Variants in OCIAD1 observed in about 807,000 individuals in gnomAD.
OCIAD1 encodes OCIA domain-containing protein 1.
A neutral mutation model predicts 38.9 loss-of-function variants in OCIAD1; 29 were observed. The ratio of observed to expected loss-of-function variants is 0.74; its 90% CI spans 0.55 to 1.02. The LOEUF is 1.02. OCIAD1 is among the 50% of genes least tolerant of loss of function. The pLI is 0.00. For synonymous variants in OCIAD1, 110 were observed against 92.0 expected, an observed-to-expected ratio of 1.20 and a Z score of -1.12; for missense variants, 288 against 289.6, an observed-to-expected ratio of 0.99 and a Z score of 0.04.
intron 4 of OCIAD1, 101 bp from the exon 5 acceptor site, chr4:48,848,298 A>C (rs1436607687): frequency 1.7e-6 from 1 of 599,300 alleles, no homozygotes; most frequent in Non-Finnish European, 3.0e-6. Flanking sequence ...CTGTAGGATC[A>C]TGGAAGGAGC....
At position 48,810,326 on chromosome 4, in the gene OCIAD1, G is replaced by A. The variant is rs377437739; in HGVS notation, c.-103+4996G>A. Among the ~76,000 whole-genome samples, 320 of 151,812 alleles carry A rather than the reference G, an allele frequency of 2.1e-3. 1 individual carries two copies. The highest frequency in any genetic ancestry group is 6.8e-3 in the African/African-American group (283 of 41,388). On this transcript the variant is annotated intron_variant, in intron 1 of 6. Transcript: ENST00000504654. ...CTACTAAAAACACAAAAAATTAGCC[G>A]GGCGCGGTGGCGGGTGCCTGTAGTC...
chr4:48,857,396 G>A, intron 8 of OCIAD1, 31 bp downstream of exon 8: 1 of 1,423,170 alleles, frequency 7.0e-7, no homozygotes, highest in Non-Finnish European at 9.4e-7. Flanking sequence ...TCACTTTACT[G>A]TTGAGGATTG....
intron 6 of OCIAD1, among the ~76,000 whole-genome samples, chr4:48,851,412 A>G (rs2109590425): frequency 6.6e-6 from 1 of 152,320 alleles, no homozygotes; most frequent in Middle Eastern, 3.4e-3. Context: ...TTGAGGCCAG[A>G]CGCGGTGGCT....
At chr4:48,844,411 C>T (rs1249245130) in intron 4 of OCIAD1, among the ~76,000 whole-genome samples, 4 of 151,882 alleles carry the variant, frequency 2.6e-5, no homozygotes, top group Admixed American at 2.0e-4. Flanking sequence ...GTTAGGAAAT[C>T]GAGACCGTCC....
intron 1 of OCIAD1, among the ~76,000 whole-genome samples, chr4:48,815,351 A>G (rs1482653699): frequency 6.6e-6 from 1 of 152,332 alleles, no homozygotes; most frequent in South Asian, 2.1e-4. Context: ...AGAAATTCAC[A>G]CAGTGGCAGA....
chr4:48,851,788 T>C lies in OCIAD1; in HGVS notation c.378-18T>C. The C allele has an allele frequency of 6.8e-7, 1 of 1,464,954 alleles. No individual in the cohort carries two copies. Among genetic ancestry groups the C allele is most frequent in the Non-Finnish European group, 9.6e-7 (1 of 1,045,974 alleles). The allele number at this position is 1,464,954 out of a possible 1,614,324, so 90.7% of individuals were successfully genotyped here. A position where few individuals can be genotyped will look rare whatever the true frequency, so the allele number is the denominator to read the frequency against. ...CAATGACTCATATTTCTTACTACAA[T>C]ATGATTTTCATTTACAGGCACTATT... On this transcript the variant is annotated intron_variant, in intron 6 of 8. Coordinates refer to ENST00000264312, the MANE Select transcript of OCIAD1 (RefSeq NM_017830.4).
chr4:48,852,889 T>TTTTTGTTTTTTG (rs1560438232), intron 7 of OCIAD1, among the ~76,000 whole-genome samples: 1 of 42,352 alleles, frequency 2.4e-5, no homozygotes, highest in African/African-American at 1.0e-4. Flanking sequence ...TTTGTTTTTT[T>TTTTTGTTTTTTG]TTTTTTTTTT....
At chr4:48,808,154 T>C (rs1430776260) in intron 1 of OCIAD1, among the ~76,000 whole-genome samples, 1 of 152,140 alleles carries the variant, frequency 6.6e-6, no homozygotes, top group East Asian at 1.9e-4. Flanking sequence ...AACCCAGATG[T>C]TGCAAATGTG....
At chr4:48,823,165 A>G (rs540030470) in intron 1 of OCIAD1, among the ~76,000 whole-genome samples, 2 of 152,336 alleles carry the variant, frequency 1.3e-5, no homozygotes, top group South Asian at 4.1e-4. Context: ...GATAGACCGG[A>G]TAAAGAAAAT....
intron 1 of OCIAD1, among the ~76,000 whole-genome samples, chr4:48,814,523 C>T (rs1444084338): frequency 6.6e-6 from 1 of 152,034 alleles, no homozygotes; most frequent in Non-Finnish European, 1.5e-5. Context: ...ACATAATTTA[C>T]ACAACAGCAT....
intron 1 of OCIAD1, among the ~76,000 whole-genome samples, chr4:48,810,898 T>C (rs111718008): frequency 0.014 from 1,970 of 145,758 alleles, 19 homozygotes; most frequent in African/African-American, 0.032. Flanking sequence ...TTCTTTCTTT[T>C]TTTTTTTTTT....
chr4:48,857,274 G>T lies in OCIAD1; in HGVS notation c.609G>T (p.Arg203Ser). 6.3e-7 allele frequency: 1 copy of T among 1,593,862 alleles called. No individual in the cohort carries two copies. Among genetic ancestry groups the T allele is most frequent in the East Asian group, 2.3e-5 (1 of 44,032 alleles). The change falls in exon 8 of 9, where the codon AGG (arginine) becomes AGT (serine). Residue 203 changes from arginine (R) to serine (S), a missense_variant. Coordinates refer to ENST00000264312, the MANE Select transcript of OCIAD1 (RefSeq NM_017830.4). Reference sequence around the variant, plus strand: ...AAAATATTACATATGAGGAATTAAGGAATAAGAACAGAGAGTCATATGAAG... The same window carrying T: ...AAAATATTACATATGAGGAATTAAGTAATAAGAACAGAGAGTCATATGAAG... ...KRKNITYEEL[R>S]NKNRESYEVS...
chr4:48,840,696 C>T (rs899295641), intron 3 of OCIAD1, among the ~76,000 whole-genome samples: 1 of 152,094 alleles, frequency 6.6e-6, no homozygotes, highest in African/African-American at 2.4e-5. Flanking sequence ...ATTGTTTTTA[C>T]ATTTTTAAAT....
At chr4:48,832,806 G>T (rs564036801) in intron 2 of OCIAD1, 124 bp downstream of exon 2, 3 of 722,780 alleles carry the variant, frequency 4.2e-6, no homozygotes, top group East Asian at 2.5e-5. Context: ...CCCATACTTG[G>T]TTTCATGTTC....
chr4:48,838,233 G>C (rs543339572), intron 3 of OCIAD1, among the ~76,000 whole-genome samples: 1 of 151,552 alleles, frequency 6.6e-6, no homozygotes, highest in South Asian at 2.1e-4. Flanking sequence ...CAGGAGAATC[G>C]CTTGAACCCG....
At chr4:48,820,396 A>G (rs1777183407) in intron 1 of OCIAD1, among the ~76,000 whole-genome samples, 1 of 152,246 alleles carries the variant, frequency 6.6e-6, no homozygotes, top group African/African-American at 2.4e-5. Flanking sequence ...GGACACAGCT[A>G]AAGTGGTGTT....
At position 48,842,707 on chromosome 4, in the gene OCIAD1, G is replaced by T; in HGVS notation, c.193+18G>T. On this transcript the variant is annotated intron_variant, in intron 4 of 8. Coordinates refer to ENST00000264312, the MANE Select transcript of OCIAD1 (RefSeq NM_017830.4). ...TAGTAAAGGTAAATATTTAAAATTT[G>T]AATTTATTTAGCATTTTGGATACCA... The T allele has an allele frequency of 7.3e-7, 1 of 1,370,202 alleles. No individual in the cohort carries two copies. Among genetic ancestry groups the T allele is most frequent in the Non-Finnish European group, 1.0e-6 (1 of 993,282 alleles). The allele number at this position is 1,370,202 out of a possible 1,614,324, so 84.9% of individuals were successfully genotyped here.
At chr4:48,819,897 A>G (rs1777177379) in intron 1 of OCIAD1, among the ~76,000 whole-genome samples, 1 of 152,114 alleles carries the variant, frequency 6.6e-6, no homozygotes, top group Non-Finnish European at 1.5e-5. Context: ...TCAGATTCAT[A>G]AAACAAGTTC....
At chr4:48,849,346 C>A (rs548966764) in intron 5 of OCIAD1, among the ~76,000 whole-genome samples, 93 of 152,202 alleles carry the variant, frequency 6.1e-4, no homozygotes, top group Admixed American at 2.2e-3. Context: ...CTACATTGCT[C>A]TTCAAAAGAA....
Sources: allele counts gnomAD v4.1 joint callset (sites outside exome capture counted in the v4.1 genomes callset), GRCh38; gene constraint gnomAD v4.1.1; transcripts MANE v1.5; gene names NCBI Gene and HGNC (gene_info 2026-07-23, HGNC 2026-07-21).